WDR64: variants seen among roughly 807,000 people sequenced by gnomAD.
WDR64 encodes WD repeat-containing protein 64.
In WDR64, 112 loss-of-function variants were observed where a neutral mutation model predicts 139.3. That is an observed-to-expected ratio of 0.80 (90% CI 0.69 to 0.94). The LOEUF (loss-of-function observed/expected upper bound fraction) is 0.94. WDR64 is among the 40% of genes least tolerant of loss of function. The probability of loss-of-function intolerance (pLI) is 0.00; values close to 1 mark genes in which losing one functional copy is unlikely to be tolerated. For synonymous variants in WDR64, 444 were observed against 437.7 expected (o/e 1.01, Z -0.18); for missense variants, 1,206 against 1,293.1 (o/e 0.93, Z 1.03).
chr1:241,771,945 C>CATACATAT, intron 19 of WDR64, among the ~76,000 whole-genome samples: 1 of 62,366 alleles, frequency 1.6e-5, no homozygotes, highest in East Asian at 6.7e-4. Flanking sequence ...TACATACATA[C>CATACATAT]ATATATATAT....
chr1:241,715,896 A>G (rs562200059), intron 9 of WDR64, among the ~76,000 whole-genome samples: 6 of 152,252 alleles, frequency 3.9e-5, no homozygotes, highest in Admixed American at 2.6e-4. Flanking sequence ...ACTCTCATTA[A>G]CCTCAGTGTT....
In WDR64 at chr1:241,710,084, A is replaced by G. The variant is rs1668101215; in HGVS notation, c.975-1718A>G. Among the ~76,000 whole-genome samples, 5 of 152,030 alleles carry G rather than the reference A, an allele frequency of 3.3e-5. No individual in the cohort carries two copies. The South Asian group carries it at 1.0e-3, about 32-fold the overall frequency. ...AGAAAAGAAAAAAAAAAAGAAAAAC[A>G]TGTACATACACAGCAACAAGGCCAG... On this transcript the variant is annotated intron_variant, in intron 8 of 27. Transcript: ENST00000437684.
intron 16 of WDR64, among the ~76,000 whole-genome samples, chr1:241,767,346 T>G (rs1176925960): frequency 1.4e-5 from 2 of 147,244 alleles, no homozygotes; most frequent in African/African-American, 5.1e-5. Context: ...ATGTTTTTTT[T>G]TTTTTGCATT....
intron 9 of WDR64, among the ~76,000 whole-genome samples, chr1:241,716,656 GAT>G (rs1252343530): frequency 9.5e-6 from 1 of 104,754 alleles, no homozygotes; most frequent in East Asian, 1.9e-4. Context: ...AACATATGAT[GAT>G]GATGATGATG....
At chr1:241,763,729 T>C (rs528547119) in intron 15 of WDR64, among the ~76,000 whole-genome samples, 3 of 152,148 alleles carry the variant, frequency 2.0e-5, no homozygotes, top group Non-Finnish European at 4.4e-5. Context: ...AAAAGTCAAT[T>C]AGGAAAAAAA....
At chr1:241,790,720 A>T in intron 25 of WDR64, 24 bp downstream of exon 25, 2 of 1,344,430 alleles carry the variant, frequency 1.5e-6, no homozygotes, top group Non-Finnish European at 2.1e-6. Context: ...AAAAAAAAAA[A>T]AGAAATGGCA....
chr1:241,673,258 C>A (rs948752840), intron 3 of WDR64, among the ~76,000 whole-genome samples: 1 of 151,748 alleles, frequency 6.6e-6, no homozygotes. Flanking sequence ...TGCAGCACAC[C>A]AACATGGCAC....
intron 22 of WDR64, among the ~76,000 whole-genome samples, chr1:241,781,563 A>C (rs1658845670): frequency 6.6e-6 from 1 of 152,104 alleles, no homozygotes; most frequent in South Asian, 2.1e-4. Context: ...TTACTGATAA[A>C]AAAGAAGTTC....
At chr1:241,800,665 A>G (rs1659496626) in intron 27 of WDR64, among the ~76,000 whole-genome samples, 1 of 152,078 alleles carries the variant, frequency 6.6e-6, no homozygotes, top group Non-Finnish European at 1.5e-5. Context: ...GCAGAACACA[A>G]CAAAAACCAA....
intron 15 of WDR64, among the ~76,000 whole-genome samples, chr1:241,758,384 C>T (rs1053889379): frequency 1.2e-4 from 18 of 151,612 alleles, no homozygotes; most frequent in Admixed American, 1.3e-4. Context: ...TTCAAAGTCA[C>T]CATACTGCCT....
chr1:241,693,400 G>A (rs566763972), intron 8 of WDR64, among the ~76,000 whole-genome samples: 5 of 152,260 alleles, frequency 3.3e-5, no homozygotes, highest in Admixed American at 2.6e-4. Flanking sequence ...GGTTTCCAGG[G>A]CTTTGAGGGG....
At position 241,654,818 on chromosome 1, in the gene WDR64, A is replaced by G. The variant is rs1357725802; in HGVS notation, c.145+2189A>G. ...TGCATACAAACTTTGTTTCATGCAC[A>G]GAATTATTAAAACTATTGTATAAAA... On this transcript the variant is annotated intron_variant, in intron 1 of 27. Transcript: ENST00000437684. Among the ~76,000 whole-genome samples, 3 of 152,234 alleles carry G rather than the reference A, an allele frequency of 2.0e-5. No individual in the cohort carries two copies. In the East Asian group the frequency reaches 5.8e-4, roughly 29 times the overall value.
Position 241,771,652 on chromosome 1 carries a change from A to G in WDR64, c.2254-9A>G, listed in dbSNP as rs1574085607. On this transcript the variant is annotated splice_polypyrimidine_tract_variant and intron_variant, in intron 18 of 27. Transcript: ENST00000437684. ...TGGAAGTCTTTTCTCTTTTCCTCCC[A>G]TAATTCAGGGAAGCAAGCAAAGCAT... The G allele has an allele frequency of 6.7e-7, 1 of 1,497,700 alleles. No homozygotes were observed. Among genetic ancestry groups the G allele is most frequent in the Non-Finnish European group, 8.9e-7 (1 of 1,120,366 alleles). The allele number at this position is 1,497,700 out of a possible 1,614,324, so 92.8% of individuals were successfully genotyped here. A position where few individuals can be genotyped will look rare whatever the true frequency, so the allele number is the denominator to read the frequency against.
At chr1:241,768,085 G>A (rs1480227371) in intron 16 of WDR64, among the ~76,000 whole-genome samples, 1 of 152,156 alleles carries the variant, frequency 6.6e-6, no homozygotes, top group Non-Finnish European at 1.5e-5. Flanking sequence ...AGCCTAAAGA[G>A]GGGGGCAACA....
chr1:241,794,773 C>G (rs531822014), intron 25 of WDR64, among the ~76,000 whole-genome samples: 11 of 152,176 alleles, frequency 7.2e-5, no homozygotes, highest in African/African-American at 2.6e-4. Flanking sequence ...TCTGAAAGTG[C>G]TGGGATTACA....
chr1:241,728,515 C>A (rs374319102), intron 10 of WDR64, among the ~76,000 whole-genome samples: 49 of 152,170 alleles, frequency 3.2e-4, no homozygotes, highest in African/African-American at 1.1e-3. Flanking sequence ...AGTTGTGTGC[C>A]CACTACATGC....
At chr1:241,687,944 G>C (rs567375247) in intron 8 of WDR64, among the ~76,000 whole-genome samples, 1 of 152,200 alleles carries the variant, frequency 6.6e-6, no homozygotes, top group Admixed American at 6.5e-5. Context: ...CTAACCAAGA[G>C]CTTGTGAGTA....
chr1:241,652,402 C>G lies in WDR64; in HGVS notation c.-83C>G. The G allele has an allele frequency of 7.2e-7, 1 of 1,394,044 alleles. No homozygotes were observed. Among genetic ancestry groups the G allele is most frequent in the East Asian group, 2.5e-5 (1 of 39,986 alleles). 86.4% of individuals were successfully genotyped at this position (1,394,044 alleles called of 1,614,324 possible). A position where few individuals can be genotyped will look rare whatever the true frequency, so the allele number is the denominator to read the frequency against. ...GGCAAAAACTGAGACAGCAGGGAGGCACTGTAACAACTGGAAAGTTTTCCA... is the reference window on the plus strand; with the variant it reads ...GGCAAAAACTGAGACAGCAGGGAGGGACTGTAACAACTGGAAAGTTTTCCA... On this transcript the variant is annotated 5_prime_UTR_variant, in exon 1 of 28. Transcript: ENST00000437684.
At chr1:241,750,059 C>T (rs942756223) in intron 14 of WDR64, among the ~76,000 whole-genome samples, 5 of 152,220 alleles carry the variant, frequency 3.3e-5, no homozygotes, top group African/African-American at 1.2e-4. Context: ...ACTGGCAGAA[C>T]TGCTTTCCAG....
Sources: allele counts gnomAD v4.1 joint callset (sites outside exome capture counted in the v4.1 genomes callset), GRCh38; gene constraint gnomAD v4.1.1; transcripts MANE v1.5; gene names NCBI Gene and HGNC (gene_info 2026-07-23, HGNC 2026-07-21).